MITF: variants seen among roughly 807,000 people sequenced by gnomAD.
The protein encoded by MITF is melanocyte inducing transcription factor, also known as microphthalmia-associated transcription factor.
In MITF, 17 loss-of-function variants were observed where a neutral mutation model predicts 60.5. That is an observed-to-expected ratio of 0.28 (90% confidence interval 0.19 to 0.42). The LOEUF (loss-of-function observed/expected upper bound fraction) is 0.42, where lower values mean the gene tolerates loss of function less well. Among genes scored for constraint, MITF ranks in the 10% least tolerant of loss-of-function variants. The probability of loss-of-function intolerance (pLI) is 1.00; values close to 1 mark genes in which losing one functional copy is unlikely to be tolerated. For synonymous variants in MITF, 260 were observed against 248.5 expected, an observed-to-expected ratio of 1.05 and a Z score of -0.43; for missense variants, 622 against 683.5, an observed-to-expected ratio of 0.91 and a Z score of 1.00.
chr3:69,827,983 C>A (rs1390661553), intron 1 of MITF, among the ~76,000 whole-genome samples: 3 of 152,154 alleles, frequency 2.0e-5, no homozygotes, highest in Admixed American at 2.0e-4. Context: ...TGTGCAGCTT[C>A]AAAGTAAGAG....
At chr3:69,933,465 G>T (rs779951159) in intron 2 of MITF, among the ~76,000 whole-genome samples, 48 of 152,108 alleles carry the variant, frequency 3.2e-4, no homozygotes, top group Non-Finnish European at 5.9e-4. Flanking sequence ...TAAAGCTGAA[G>T]TGTGACAGTT....
intron 1 of MITF, among the ~76,000 whole-genome samples, chr3:69,746,525 T>C (rs1476380833): frequency 1.3e-5 from 2 of 150,874 alleles, no homozygotes; most frequent in African/African-American, 5.0e-5. Context: ...TGTGTGTGTA[T>C]GTTTGTGTGT....
rs116368138 is a variant in MITF, at chr3:69,933,323, C to T, written c.355-4499C>T. 2.3e-3 allele frequency among the ~76,000 whole-genome samples: 347 copies of T among 152,130 alleles called. 1 individual carries two copies. The highest frequency in any genetic ancestry group is 7.9e-3 in the African/African-American group (327 of 41,514). ...ATATCTAGATAGGGATATTTCTTCC[C>T]CAGTAAATTCTGTTGTCAGCCAAGA... On this transcript the variant is annotated intron_variant, in intron 2 of 9. Coordinates refer to ENST00000352241, the MANE Select transcript of MITF (RefSeq NM_001354604.2).
chr3:69,879,085 G>T (rs1344270941), intron 1 of MITF, 49 bp from the exon 2 acceptor site: 2 of 1,517,176 alleles, frequency 1.3e-6, no homozygotes, highest in Non-Finnish European at 1.8e-6. Flanking sequence ...TGCAAACGAA[G>T]GGTCTCATTA....
Position 69,924,094 on chromosome 3 carries a change from G to A in MITF, c.355-13728G>A, listed in dbSNP as rs545947097. On this transcript the variant is annotated intron_variant, in intron 2 of 9. Transcript: ENST00000352241. ...ATCTGAAAAGGTCAATATGAATTCA[G>A]TTCTGTATCCCCTGCACAAGTTTTT... Among the ~76,000 whole-genome samples the A allele has an allele frequency of 9.6e-4, 146 of 152,296 alleles. 2 individuals are homozygous for A. Among genetic ancestry groups the A allele is most frequent in the Non-Finnish European group, 9.0e-4 (61 of 68,034 alleles).
chr3:69,950,136 G>C (rs769960139), intron 6 of MITF, among the ~76,000 whole-genome samples: 2 of 151,842 alleles, frequency 1.3e-5, no homozygotes, highest in Non-Finnish European at 2.9e-5. Context: ...AACAACAAAA[G>C]CAAGAATCGT....
intron 9 of MITF, among the ~76,000 whole-genome samples, chr3:69,963,987 T>TTTTTTTTTTG: frequency 6.9e-6 from 1 of 144,642 alleles, no homozygotes; most frequent in African/African-American, 2.6e-5. Flanking sequence ...TTTTTTTTTT[T>TTTTTTTTTTG]TTTTTTGAGA....
chr3:69,827,464 AG>A (rs1250818733), intron 1 of MITF, among the ~76,000 whole-genome samples: 1 of 152,208 alleles, frequency 6.6e-6, no homozygotes, highest in Non-Finnish European at 1.5e-5. Context: ...CTTGAATAGG[AG>A]AAAAAAGGAA....
At chr3:69,766,764 C>T (rs1436062082) in intron 1 of MITF, among the ~76,000 whole-genome samples, 12 of 152,170 alleles carry the variant, frequency 7.9e-5, no homozygotes, top group East Asian at 1.9e-4. Context: ...TGCTGCAGTA[C>T]GGTAGATATT....
intron 2 of MITF, among the ~76,000 whole-genome samples, chr3:69,933,793 C>A (rs1011183753): frequency 6.6e-6 from 1 of 152,116 alleles, no homozygotes; most frequent in African/African-American, 2.4e-5. Context: ...ATCAGGAAAT[C>A]ATAAAGATGT....
intron 2 of MITF, among the ~76,000 whole-genome samples, chr3:69,931,208 A>G (rs986222939): frequency 6.6e-6 from 1 of 152,204 alleles, no homozygotes; most frequent in African/African-American, 2.4e-5. Context: ...TCCGTTCTTT[A>G]TATTTTAAAA....
chr3:69,894,371 T>C (rs1014973815), intron 2 of MITF, among the ~76,000 whole-genome samples: 1 of 152,224 alleles, frequency 6.6e-6, no homozygotes, highest in Non-Finnish European at 1.5e-5. Flanking sequence ...TTACATGATA[T>C]GTCCATTTAA....
At chr3:69,846,504 A>C (rs899884143) in intron 1 of MITF, among the ~76,000 whole-genome samples, 2 of 152,150 alleles carry the variant, frequency 1.3e-5, no homozygotes, top group Non-Finnish European at 2.9e-5. Context: ...TAGACACAAC[A>C]ATGGTTTTAA....
At chr3:69,961,900 T>G (rs1043232858) in intron 9 of MITF, among the ~76,000 whole-genome samples, 1 of 152,230 alleles carries the variant, frequency 6.6e-6, no homozygotes, top group Non-Finnish European at 1.5e-5. Flanking sequence ...AATTCCATGG[T>G]GACGATATCT....
Position 69,965,534 on chromosome 3 carries a change from G to C in MITF, c.*286G>C, listed in dbSNP as rs187361634. The C allele has an allele frequency of 1.0e-5, 3 of 294,788 alleles. No homozygotes were observed. The highest frequency in any genetic ancestry group is 1.9e-5 in the Non-Finnish European group (3 of 157,022). The allele number at this position is 294,788 out of a possible 1,614,324, so 18.3% of individuals were successfully genotyped here. A position where few individuals can be genotyped will look rare whatever the true frequency, so the allele number is the denominator to read the frequency against. On this transcript the variant is annotated 3_prime_UTR_variant, in exon 10 of 10. Transcript: ENST00000352241. ...AGCTTTCTGAGCAAGAGGATTTTGC[G>C]TCAGAGAAATGTCTGTCCATTTTTA...
At chr3:69,741,023 C>G (rs1703510045) in intron 1 of MITF, among the ~76,000 whole-genome samples, 2 of 152,158 alleles carry the variant, frequency 1.3e-5, no homozygotes, top group Admixed American at 1.3e-4. Context: ...GGAAGAAAAT[C>G]TGGGAACAGC....
At chr3:69,875,318 G>C (rs1375652499) in intron 1 of MITF, among the ~76,000 whole-genome samples, 1 of 152,190 alleles carries the variant, frequency 6.6e-6, no homozygotes, top group African/African-American at 2.4e-5. Context: ...TTCTGATGGT[G>C]AGATGCCCAC....
intron 2 of MITF, among the ~76,000 whole-genome samples, chr3:69,904,014 A>G (rs1244500209): frequency 6.6e-6 from 1 of 152,160 alleles, no homozygotes; most frequent in Non-Finnish European, 1.5e-5. Context: ...CACTCAACAC[A>G]TGTCAGTGGC....
chr3:69,883,222 G>A (rs569074533), intron 2 of MITF, among the ~76,000 whole-genome samples: 10 of 152,204 alleles, frequency 6.6e-5, no homozygotes, highest in East Asian at 1.9e-4. Flanking sequence ...CAAGAGTTGC[G>A]CAAATTGCTC....
Sources: allele counts gnomAD v4.1 joint callset (sites outside exome capture counted in the v4.1 genomes callset), GRCh38; gene constraint gnomAD v4.1.1; transcripts MANE v1.5; gene names NCBI Gene and HGNC (gene_info 2026-07-23, HGNC 2026-07-21).